PRRG4: variants seen among roughly 807,000 people sequenced by gnomAD.
PRRG4 encodes the protein transmembrane gamma-carboxyglutamic acid protein 4.
PRRG4 carries 12 observed loss-of-function variants against 20.0 expected under a neutral mutation model. The observed-to-expected ratio is 0.60, with a 90% CI of 0.38 to 0.97. The LOEUF is 0.97. Ranked by LOEUF, PRRG4 falls within the 50% of genes least tolerant of loss-of-function variation. The pLI, the probability that PRRG4 is intolerant of heterozygous loss-of-function variation, is 0.00. For synonymous variants in PRRG4, 94 were observed against 96.4 expected (o/e 0.98, Z 0.15); for missense variants, 199 against 265.1 (o/e 0.75, Z 1.73).
At position 32,829,992 on chromosome 11, in the gene PRRG4, C is replaced by CT. The variant is rs139996204; in HGVS notation, c.-203dup. On this transcript the variant is annotated 5_prime_UTR_variant, in exon 1 of 6. Transcript: ENST00000257836. The stretch of plus-strand genomic sequence containing the variant: ...CCGCGCGTGTTCCCCGGGCGCCCCT[C>CT]TGCGAACCCCAGGCCCTTCCCAGGT... 72,223 of 985,662 alleles carry CT rather than the reference C, an allele frequency of 0.073. 2,936 individuals carry two copies. Among genetic ancestry groups the CT allele is most frequent in the Non-Finnish European group, 0.078 (65,054 of 830,122 alleles). 61.1% of individuals were successfully genotyped at this position (985,662 alleles called of 1,614,324 possible).
At chr11:32,835,621 C>A (rs546103974) in intron 2 of PRRG4, among the ~76,000 whole-genome samples, 8 of 152,176 alleles carry the variant, frequency 5.3e-5, no homozygotes, top group African/African-American at 9.6e-5. Flanking sequence ...GTAAAGGGAA[C>A]CTTATAAAAC....
intron 5 of PRRG4, among the ~76,000 whole-genome samples, chr11:32,842,198 C>A (rs1050211612): frequency 1.3e-5 from 2 of 152,130 alleles, no homozygotes; most frequent in Non-Finnish European, 2.9e-5. Flanking sequence ...GGGCACCAAA[C>A]TAGGAATTTG....
At position 32,856,090 on chromosome 11, in the gene PRRG4, T is replaced by A. The variant is rs1454447155; in HGVS notation, c.*2563T>A. 6.6e-6 allele frequency: 1 copy of A among 152,190 alleles called. No individual in the cohort carries two copies. Among genetic ancestry groups the A allele is most frequent in the Non-Finnish European group, 1.5e-5 (1 of 68,028 alleles). 9.4% of individuals were successfully genotyped at this position (152,190 alleles called of 1,614,324 possible). On this transcript the variant is annotated 3_prime_UTR_variant, in exon 6 of 6. Coordinates refer to ENST00000257836, the MANE Select transcript of PRRG4 (RefSeq NM_024081.6). ...TTATATATGTACATGTTACATATATTTAGATGTATTCTCATATACATATGA... is the reference window on the plus strand; with the variant it reads ...TTATATATGTACATGTTACATATATATAGATGTATTCTCATATACATATGA...
In PRRG4 at chr11:32,854,557, CAAAAAAAAAAA is replaced by C. The variant is rs34159502; in HGVS notation, c.*1041_*1051del. ...TGGGCGACAGAGTGAGACTCCATCTCAAAAAAAAAAAAAAAAAAAAAGATTATCCAAAAAGA... is the reference window on the plus strand; with the variant it reads ...TGGGCGACAGAGTGAGACTCCATCTCAAAAAAAAAAGATTATCCAAAAAGA... On this transcript the variant is annotated 3_prime_UTR_variant, in exon 6 of 6. Transcript: ENST00000257836. 2 of 84,576 alleles carry C rather than the reference CAAAAAAAAAAA, an allele frequency of 2.4e-5. No individual in the cohort carries two copies. The highest frequency in any genetic ancestry group is 9.1e-5 in the African/African-American group (2 of 22,054). The allele number at this position is 84,576 out of a possible 1,614,324, so 5.2% of individuals were successfully genotyped here.
chr11:32,835,770 CT>C lies in PRRG4; in HGVS notation c.104-886del, dbSNP rs1201135597. ...AGAATTTTATAAGTTTTAGCATAAA[CT>C]TGAATACAGCAATTTTAATATAAAA... On this transcript the variant is annotated intron_variant, in intron 2 of 5. Transcript: ENST00000257836. 1.1e-4 allele frequency among the ~76,000 whole-genome samples: 16 copies of C among 152,098 alleles called. No individual in the cohort carries two copies. In the East Asian group the frequency reaches 3.1e-3, roughly 29 times the overall value.
At chr11:32,830,442 C>A in intron 1 of PRRG4, 66 bp from the exon 2 acceptor site, 1 of 1,220,494 alleles carries the variant, frequency 8.2e-7, no homozygotes, top group Non-Finnish European at 1.1e-6. Flanking sequence ...TGATTCAGTT[C>A]GACAGAAACT....
rs1318700511 is a variant in PRRG4 at position 32,857,335 on chromosome 11, G to A, written c.*3808G>A. 1.3e-5 allele frequency: 2 copies of A among 152,064 alleles called. No individual in the cohort carries two copies. Among genetic ancestry groups the A allele is most frequent in the Admixed American group, 6.6e-5 (1 of 15,230 alleles). The allele number at this position is 152,064 out of a possible 1,614,324, so 9.4% of individuals were successfully genotyped here. On this transcript the variant is annotated 3_prime_UTR_variant, in exon 6 of 6. Transcript: ENST00000257836. ...CTTGCAAATTTTTGTATTTTTAGTG[G>A]AGATGGGGTTTTGCCATGTTGGCCA...
Position 32,830,496 on chromosome 11 carries a change from T to G in PRRG4, c.-22-12T>G. ...GCCTTTTTTTTTTAATATTTTTTTT[T>G]GTTTGTTTTAGTTTGTTTGACAGTT... is the stretch of plus-strand genomic sequence containing the variant. On this transcript the variant is annotated splice_polypyrimidine_tract_variant and intron_variant, in intron 1 of 5. Transcript: ENST00000257836. The G allele has an allele frequency of 6.8e-7, 1 of 1,476,268 alleles. No homozygotes were observed. The highest frequency in any genetic ancestry group is 1.5e-5 in the African/African-American group (1 of 68,718). The allele number at this position is 1,476,268 out of a possible 1,614,324, so 91.4% of individuals were successfully genotyped here. A position where few individuals can be genotyped will look rare whatever the true frequency, so the allele number is the denominator to read the frequency against.
rs1210587901 is a variant in PRRG4, at chr11:32,855,303, T to C, written c.*1776T>C. ...ATCTGGGTGGGTATGTAGGTATATGTGAGTTTGTTTCCTCTTCCAGGAGCT... is the reference window on the plus strand; with the variant it reads ...ATCTGGGTGGGTATGTAGGTATATGCGAGTTTGTTTCCTCTTCCAGGAGCT... On this transcript the variant is annotated 3_prime_UTR_variant, in exon 6 of 6. Transcript: ENST00000257836. The C allele has an allele frequency of 6.6e-6, 1 of 152,208 alleles. No homozygotes were observed. The highest frequency in any genetic ancestry group is 2.4e-5 in the African/African-American group (1 of 41,464). The allele number at this position is 152,208 out of a possible 1,614,324, so 9.4% of individuals were successfully genotyped here. A position where few individuals can be genotyped will look rare whatever the true frequency, so the allele number is the denominator to read the frequency against.
rs943738018 is a variant in PRRG4 at position 32,847,705 on chromosome 11, A to G, written c.450-5591A>G. Among the ~76,000 whole-genome samples, 5 of 152,244 alleles carry G rather than the reference A, an allele frequency of 3.3e-5. No homozygotes were observed. The South Asian group carries it at 1.0e-3, about 31-fold the overall frequency. Reference sequence around the variant, plus strand: ...AACAGATACTTGTACACCAATGTCCATAGTAGCATTATTCAAATAACCAAA... The same window carrying G: ...AACAGATACTTGTACACCAATGTCCGTAGTAGCATTATTCAAATAACCAAA... On this transcript the variant is annotated intron_variant, in intron 5 of 5. Transcript: ENST00000257836.
rs745445539 is a variant in PRRG4 at position 32,836,826 on chromosome 11, T to G, written c.267+5T>G. The G allele has an allele frequency of 2.2e-5, 36 of 1,606,854 alleles. No homozygotes were observed. The highest frequency in any genetic ancestry group is 2.9e-5 in the Non-Finnish European group (34 of 1,176,518). On this transcript the variant is annotated splice_donor_5th_base_variant and intron_variant, in intron 3 of 5. Coordinates refer to ENST00000257836, the MANE Select transcript of PRRG4 (RefSeq NM_024081.6). Reference sequence around the variant, plus strand: ...TTTGTGGATGAAGATAAAACGGTAATGTGGTTGATTATGTTAATTGGCTGG... The same window carrying G: ...TTTGTGGATGAAGATAAAACGGTAAGGTGGTTGATTATGTTAATTGGCTGG...
chr11:32,836,250 C>A (rs1388987447), intron 2 of PRRG4, among the ~76,000 whole-genome samples: 1 of 152,116 alleles, frequency 6.6e-6, no homozygotes, highest in Non-Finnish European at 1.5e-5. Context: ...TAAATCAGAA[C>A]AAAAAGCTGT....
intron 5 of PRRG4, among the ~76,000 whole-genome samples, chr11:32,844,763 A>C (rs1192131370): frequency 3.3e-5 from 5 of 152,118 alleles, no homozygotes; most frequent in African/African-American, 1.2e-4. Flanking sequence ...GGCCTCCCAA[A>C]GTGCTGGGAT....
chr11:32,838,452 C>T (rs1016798353), intron 3 of PRRG4, among the ~76,000 whole-genome samples: 178 of 150,146 alleles, frequency 1.2e-3, no homozygotes, highest in African/African-American at 4.1e-3. Flanking sequence ...TAATCCTGTC[C>T]GGAAAAAAAA....
At chr11:32,833,936 C>T (rs1850997444) in intron 2 of PRRG4, among the ~76,000 whole-genome samples, 1 of 151,956 alleles carries the variant, frequency 6.6e-6, no homozygotes, top group South Asian at 2.1e-4. Flanking sequence ...TGAACAAAAT[C>T]CTGAAGGATG....
intron 5 of PRRG4, among the ~76,000 whole-genome samples, chr11:32,842,661 GGT>G (rs2133444512): frequency 6.6e-6 from 1 of 151,898 alleles, no homozygotes; most frequent in East Asian, 2.0e-4. Flanking sequence ...CAGAGGTTGT[GGT>G]GAGCCGAGAT....
At chr11:32,852,102 AT>A (rs771394547) in intron 5 of PRRG4, among the ~76,000 whole-genome samples, 10 of 151,658 alleles carry the variant, frequency 6.6e-5, no homozygotes, top group South Asian at 2.1e-4. Flanking sequence ...TAAGCCATAT[AT>A]TTTTTTTTAA....
intron 3 of PRRG4, 118 bp from the exon 4 acceptor site, chr11:32,838,764 G>A (rs1270059908): frequency 4.4e-6 from 3 of 682,188 alleles, no homozygotes; most frequent in Non-Finnish European, 8.0e-6. Flanking sequence ...TGAATGAACT[G>A]GTCTCCTACC....
Position 32,855,390 on chromosome 11 carries a change from GC to G in PRRG4, c.*1864del, listed in dbSNP as rs76346588. The G allele has an allele frequency of 4.4e-4, 13 of 29,772 alleles. No homozygotes were observed. In the East Asian group the frequency reaches 0.056, roughly 127 times the overall value. 1.8% of individuals were successfully genotyped at this position (29,772 alleles called of 1,614,324 possible). On this transcript the variant is annotated 3_prime_UTR_variant, in exon 6 of 6. Coordinates refer to ENST00000257836, the MANE Select transcript of PRRG4 (RefSeq NM_024081.6). ...TTTCTGTGCTTTATGTTTTTGCCAG[GC>G]TATTACATTTTCTTATCATTTAGGA...
Sources: gnomAD v4.1 joint callset for allele counts (sites outside exome capture counted in the v4.1 genomes callset) on GRCh38, gnomAD v4.1.1 for gene constraint, MANE v1.5 for transcripts, NCBI Gene and HGNC (gene_info 2026-07-23, HGNC 2026-07-21) for gene names.